Variants in BACH2 observed in about 807,000 individuals in gnomAD.
The protein encoded by BACH2 is transcription regulator protein BACH2.
BACH2 carries 5 observed loss-of-function variants against 61.8 expected under a neutral mutation model. The observed-to-expected ratio is 0.08, with a 90% CI of 0.04 to 0.17. The LOEUF (loss-of-function observed/expected upper bound fraction) is 0.17. BACH2 is among the 10% of genes least tolerant of loss of function. BACH2 has a pLI of 1.00. For missense variants in BACH2, 824 were observed against 1,091.1 expected (o/e 0.76, Z 3.45); for synonymous variants, 446 against 440.1 (o/e 1.01, Z -0.17).
In BACH2 at chr6:90,027,388, G is replaced by A. The variant is rs148670253; in HGVS notation, c.-12-18532C>T. Among the ~76,000 whole-genome samples, 358 of 152,194 alleles carry A rather than the reference G, an allele frequency of 2.4e-3. 1 individual carries two copies. The highest frequency in any genetic ancestry group is 7.1e-3 in the African/African-American group (294 of 41,510). On this transcript the variant is annotated intron_variant, in intron 5 of 8. Transcript: ENST00000257749. The stretch of plus-strand genomic sequence containing the variant: ...TTAGTATACTGTTTAAGATACAGAC[G>A]GTCTTATATGCCTATACCACTGCCA...
chr6:90,281,226 G>A (rs1771848903), intron 1 of BACH2, among the ~76,000 whole-genome samples: 2 of 152,094 alleles, frequency 1.3e-5, no homozygotes, highest in Non-Finnish European at 1.5e-5. Context: ...ATGTTGTGGA[G>A]GAAATAATAC....
At chr6:90,241,845 A>G (rs1429396505) in intron 3 of BACH2, among the ~76,000 whole-genome samples, 1 of 152,130 alleles carries the variant, frequency 6.6e-6, no homozygotes, top group Non-Finnish European at 1.5e-5. Flanking sequence ...GGTGGGGAAT[A>G]TTATATGAAA....
chr6:90,157,555 T>C (rs1785036569), intron 4 of BACH2, among the ~76,000 whole-genome samples: 1 of 152,188 alleles, frequency 6.6e-6, no homozygotes, highest in Non-Finnish European at 1.5e-5. Context: ...GGGCCTGGGT[T>C]CTTTCCATCT....
chr6:90,055,063 T>C (rs541679151), intron 5 of BACH2, among the ~76,000 whole-genome samples: 1 of 152,168 alleles, frequency 6.6e-6, no homozygotes, highest in East Asian at 1.9e-4. Flanking sequence ...AAAATCAGAG[T>C]GCCTCTCCTC....
At chr6:90,154,188 T>A (rs1000018247) in intron 4 of BACH2, among the ~76,000 whole-genome samples, 14 of 152,264 alleles carry the variant, frequency 9.2e-5, no homozygotes, top group African/African-American at 1.2e-4. Context: ...AGAGTAGAAT[T>A]GCAGGTTCCA....
intron 3 of BACH2, among the ~76,000 whole-genome samples, chr6:90,244,709 TATC>T: frequency 6.6e-6 from 1 of 152,294 alleles, no homozygotes; most frequent in South Asian, 2.1e-4. Flanking sequence ...CACTGGCTGG[TATC>T]ATATCTGACA....
chr6:90,048,606 G>A (rs565995583), intron 5 of BACH2, among the ~76,000 whole-genome samples: 19 of 152,316 alleles, frequency 1.2e-4, no homozygotes, highest in South Asian at 1.0e-3. Flanking sequence ...GAGGGTTGAG[G>A]TAAACATTTC....
intron 2 of BACH2, among the ~76,000 whole-genome samples, chr6:90,264,750 G>A (rs1001144988): frequency 2.0e-5 from 3 of 152,244 alleles, no homozygotes; most frequent in Middle Eastern, 3.4e-3. Flanking sequence ...TCCCTTTGGG[G>A]TTTCCTCGTC....
chr6:90,029,073 A>C (rs10455513), intron 5 of BACH2, among the ~76,000 whole-genome samples: 2 of 152,060 alleles, frequency 1.3e-5, no homozygotes, highest in African/African-American at 2.4e-5. Context: ...TTCTTCACGT[A>C]AGTATTTCCT....
rs1773420074 is a variant in BACH2 at position 89,941,398 on chromosome 6, G to A, written c.1837-3048C>T. Among the ~76,000 whole-genome samples the A allele has an allele frequency of 2.0e-5, 3 of 152,220 alleles. No homozygotes were observed. In the South Asian group the frequency reaches 6.2e-4, roughly 32 times the overall value. On this transcript the variant is annotated intron_variant, in intron 7 of 8. Coordinates refer to ENST00000257749, the MANE Select transcript of BACH2 (RefSeq NM_021813.4). ...ATCTGATTCAACTTCTACCTGGTGA[G>A]CTCTGTCCCATGACACCTGTAAAAT...
intron 4 of BACH2, among the ~76,000 whole-genome samples, chr6:90,142,518 G>T (rs1218041641): frequency 6.6e-6 from 1 of 152,076 alleles, no homozygotes; most frequent in Non-Finnish European, 1.5e-5. Flanking sequence ...ATAATTTCAG[G>T]ACTATTTGCC....
At chr6:90,289,933 A>G (rs16882617) in intron 1 of BACH2, among the ~76,000 whole-genome samples, 7,734 of 152,292 alleles carry the variant, frequency 0.051, 234 homozygotes, top group Admixed American at 0.094. Context: ...CAACCTAAAT[A>G]TGTTCAAAAT....
intron 1 of BACH2, among the ~76,000 whole-genome samples, chr6:90,283,346 T>TC (rs1028385444): frequency 3.3e-5 from 5 of 152,094 alleles, no homozygotes; most frequent in African/African-American, 1.2e-4. Context: ...CACTTTTTTT[T>TC]CCAACAATAA....
intron 4 of BACH2, among the ~76,000 whole-genome samples, chr6:90,124,972 T>C (rs536120041): frequency 7.2e-5 from 11 of 151,872 alleles, no homozygotes; most frequent in Non-Finnish European, 1.3e-4. Flanking sequence ...TGACACTTCA[T>C]TGATTTTTTT....
intron 5 of BACH2, among the ~76,000 whole-genome samples, chr6:90,065,017 C>T (rs1009111516): frequency 2.6e-5 from 4 of 152,018 alleles, no homozygotes; most frequent in Admixed American, 2.6e-4. Context: ...TGCAAGAATT[C>T]CTTCCTTACA....
chr6:90,274,905 G>A (rs1259053510), intron 1 of BACH2, among the ~76,000 whole-genome samples: 2 of 152,186 alleles, frequency 1.3e-5, no homozygotes, highest in African/African-American at 4.8e-5. Context: ...TAGAGGGTGA[G>A]GACCAAATGG....
At chr6:90,079,389 A>C (rs1378832522) in intron 5 of BACH2, among the ~76,000 whole-genome samples, 1 of 152,198 alleles carries the variant, frequency 6.6e-6, no homozygotes, top group African/African-American at 2.4e-5. Flanking sequence ...TCTAACAATA[A>C]GCCAAGAAGA....
chr6:90,146,028 A>C (rs1181334269), intron 4 of BACH2, among the ~76,000 whole-genome samples: 1 of 152,228 alleles, frequency 6.6e-6, no homozygotes, highest in Non-Finnish European at 1.5e-5. Flanking sequence ...TTTGCTTTAA[A>C]ATTTTTACAT....
At chr6:90,160,925 C>T (rs1039199721) in intron 4 of BACH2, among the ~76,000 whole-genome samples, 2 of 151,928 alleles carry the variant, frequency 1.3e-5, no homozygotes. Context: ...CCCATCTTTA[C>T]TAAAATACAA....
Sources: allele counts gnomAD v4.1 joint callset (sites outside exome capture counted in the v4.1 genomes callset), GRCh38; gene constraint gnomAD v4.1.1; transcripts MANE v1.5; gene names NCBI Gene and HGNC (gene_info 2026-07-23, HGNC 2026-07-21).